SS18L1: variants seen among roughly 807,000 people sequenced by gnomAD.
SS18L1 encodes calcium-responsive transactivator.
SS18L1 carries 32 observed loss-of-function variants against 70.3 expected under a neutral mutation model. That is an observed-to-expected ratio of 0.46 (90% CI 0.34 to 0.61). The LOEUF (loss-of-function observed/expected upper bound fraction) is 0.61, where lower values mean the gene tolerates loss of function less well. Ranked by LOEUF, SS18L1 falls within the 20% of genes least tolerant of loss-of-function variation. The pLI is 0.01. For synonymous variants in SS18L1, 237 were observed against 229.7 expected (o/e 1.03, Z -0.29); for missense variants, 430 against 542.1 (o/e 0.79, Z 2.05).
At chr20:62,164,468 G>A (rs2057391656) in intron 7 of SS18L1, among the ~76,000 whole-genome samples, 1 of 152,232 alleles carries the variant, frequency 6.6e-6, no homozygotes, top group Admixed American at 6.5e-5. Flanking sequence ...GAGAGAAGCT[G>A]TGGCACACAC....
intron 8 of SS18L1, among the ~76,000 whole-genome samples, chr20:62,169,881 T>C (rs1038057515): frequency 1.3e-5 from 2 of 152,110 alleles, no homozygotes; most frequent in Non-Finnish European, 2.9e-5. Context: ...CGAGCGCGGC[T>C]GGCGTGTCGT....
intron 7 of SS18L1, 68 bp from the exon 8 acceptor site, chr20:62,165,354 A>G (rs1763989831): frequency 9.5e-6 from 14 of 1,472,242 alleles, no homozygotes; most frequent in Admixed American, 1.9e-5. Context: ...CCTGGGTCTC[A>G]GTTGCCTCCT....
Position 62,165,428 on chromosome 20 carries a change from G to A in SS18L1, c.830G>A (p.Gly277Asp). The A allele has an allele frequency of 1.2e-6, 2 of 1,612,024 alleles. No homozygotes were observed. Among genetic ancestry groups the A allele is most frequent in the Non-Finnish European group, 8.5e-7 (1 of 1,179,514 alleles). The part of the protein sequence containing the change: ...MGQQYYPDGH[G>D]DYAYQQSSYT... ...CCGTCTCCGTTTCGCACAGGCCATG[G>A]CGATTACGCCTACCAGCAGTCATCC... Residue 277 changes from glycine to aspartate, a missense_variant, in exon 8 of 11, where the codon GGC (glycine) becomes GAC (aspartate). Gly to Asp is a moderately conservative substitution (Grantham distance 94). Transcript: ENST00000331758.
At position 62,158,542 on chromosome 20, in the gene SS18L1, C is replaced by T. The variant is rs1568745473; in HGVS notation, c.70-130C>T. On this transcript the variant is annotated intron_variant, in intron 1 of 10. Coordinates refer to ENST00000331758, the MANE Select transcript of SS18L1 (RefSeq NM_198935.3). The surrounding 1 kb of genome is among the most constrained non-coding windows in gnomAD (Gnocchi z 4.5). ...CAGATATCCCCAAATCTGGAAAAAT[C>T]TGAAATCTGACACGTTTCACGTAAG... The T allele has an allele frequency of 1.4e-6, 2 of 1,426,086 alleles. No individual in the cohort carries two copies. The highest frequency in any genetic ancestry group is 1.3e-5 in the South Asian group (1 of 75,322). The allele number at this position is 1,426,086 out of a possible 1,614,324, so 88.3% of individuals were successfully genotyped here.
Position 62,175,307 on chromosome 20 carries a change from G to A in SS18L1, c.1164+663G>A. On this transcript the variant is annotated intron_variant, in intron 10 of 10. Coordinates refer to ENST00000331758, the MANE Select transcript of SS18L1 (RefSeq NM_198935.3). ...GAGGCCGGTGTGGCGGGAGGTGACA[G>A]GGACAGGTGGGCGTAGGGGCCTCCA... 2 of 985,434 alleles carry A rather than the reference G, an allele frequency of 2.0e-6. 1 individual carries two copies. 61.0% of individuals were successfully genotyped at this position (985,434 alleles called of 1,614,324 possible).
At chr20:62,144,087 G>T (rs915122586) in intron 1 of SS18L1, among the ~76,000 whole-genome samples, 198 bp downstream of exon 1, 1 of 149,838 alleles carries the variant, frequency 6.7e-6, no homozygotes, top group Non-Finnish European at 1.5e-5. Context: ...CCGTGTGGGG[G>T]GCGGTCCCCG....
chr20:62,154,709 G>T (rs909727419), intron 1 of SS18L1, among the ~76,000 whole-genome samples: 3 of 152,142 alleles, frequency 2.0e-5, no homozygotes, highest in African/African-American at 4.8e-5. Flanking sequence ...ATCTTTCTTT[G>T]TCCCTGGTCT....
intron 10 of SS18L1, among the ~76,000 whole-genome samples, chr20:62,177,102 G>A (rs575133199): frequency 1.3e-5 from 2 of 152,184 alleles, no homozygotes; most frequent in South Asian, 2.1e-4. Context: ...AACTGTCTCC[G>A]TTTGAGAACC....
In SS18L1 at chr20:62,167,052, T is replaced by G. The variant is rs1201837204; in HGVS notation, c.916+1538T>G. On this transcript the variant is annotated intron_variant, in intron 8 of 10. Transcript: ENST00000331758. ...CTCAGGAGTTTGTTTGTTTTTTTTT[T>G]TTTTTTTTTTTGAGACGGAGTCTCA... Among the ~76,000 whole-genome samples the G allele has an allele frequency of 3.3e-4, 44 of 135,256 alleles. 2 individuals are homozygous for G. Among genetic ancestry groups the G allele is most frequent in the Admixed American group, 7.1e-4 (10 of 14,114 alleles). 88.7% of individuals were successfully genotyped at this position (135,256 alleles called of 152,430 possible). A position where few individuals can be genotyped will look rare whatever the true frequency, so the allele number is the denominator to read the frequency against.
chr20:62,146,327 G>A (rs2057025225), intron 1 of SS18L1, among the ~76,000 whole-genome samples: 1 of 152,266 alleles, frequency 6.6e-6, no homozygotes, highest in African/African-American at 2.4e-5. Context: ...TCTGAGCACA[G>A]TTAGTGCTGA....
chr20:62,152,938 A>C (rs1471419991), intron 1 of SS18L1, among the ~76,000 whole-genome samples: 1 of 152,220 alleles, frequency 6.6e-6, no homozygotes, highest in East Asian at 1.9e-4. Flanking sequence ...GCGCGTGCAC[A>C]TCAGGAGTCA....
intron 8 of SS18L1, among the ~76,000 whole-genome samples, chr20:62,167,973 G>C (rs1160555732): frequency 6.9e-6 from 1 of 145,168 alleles, no homozygotes; most frequent in African/African-American, 2.7e-5. Context: ...GCACCACCAG[G>C]CCTGGCTTTT....
At chr20:62,157,752 ATCGTGCCGT>A (rs764779849) in intron 1 of SS18L1, among the ~76,000 whole-genome samples, 2 of 152,184 alleles carry the variant, frequency 1.3e-5, no homozygotes, top group Non-Finnish European at 2.9e-5. Flanking sequence ...CTGTGGGCCT[ATCGTGCCGT>A]TCTCCTGCAT....
chr20:62,165,535 C>T, intron 8 of SS18L1, 21 bp downstream of exon 8: 2 of 1,283,214 alleles, frequency 1.6e-6, no homozygotes, highest in Non-Finnish European at 2.1e-6. Context: ...CGGCTGCGTG[C>T]TGGGCTCGAG....
chr20:62,162,605 CTTATTTA>C (rs2057349637), intron 4 of SS18L1, 140 bp from the exon 5 acceptor site: 2 of 833,200 alleles, frequency 2.4e-6, no homozygotes, highest in South Asian at 3.8e-5. Flanking sequence ...CTCCCGGCCA[CTTATTTA>C]TTAGTCACTT....
At chr20:62,165,389 T>G in intron 7 of SS18L1, 33 bp from the exon 8 acceptor site, 1 of 1,593,522 alleles carries the variant, frequency 6.3e-7, no homozygotes, top group Non-Finnish European at 8.5e-7. Context: ...GTGCACAGCC[T>G]CCGCTGACTG....
At chr20:62,176,435 C>T (rs2145790780) in intron 10 of SS18L1, among the ~76,000 whole-genome samples, 1 of 152,258 alleles carries the variant, frequency 6.6e-6, no homozygotes, top group South Asian at 2.1e-4. Context: ...ATCCCTTGAG[C>T]CCAGGAGGTC....
chr20:62,168,651 T>G (rs1184397064), intron 8 of SS18L1, among the ~76,000 whole-genome samples: 1 of 151,960 alleles, frequency 6.6e-6, no homozygotes, highest in Non-Finnish European at 1.5e-5. Flanking sequence ...AGACCCCCTC[T>G]CTACTAAAAA....
intron 4 of SS18L1, 75 bp from the exon 5 acceptor site, chr20:62,162,677 T>C (rs754440776): frequency 1.6e-4 from 231 of 1,474,866 alleles, no homozygotes; most frequent in Non-Finnish European, 1.9e-4. Context: ...TGAAGGGAAA[T>C]TGGGGTGTCT....
Sources: gnomAD v4.1 joint callset for allele counts (sites outside exome capture counted in the v4.1 genomes callset) on GRCh38, gnomAD v4.1.1 for gene constraint, Gnocchi (gnomAD v3.1) non-coding constraint, MANE v1.5 for transcripts, NCBI Gene and HGNC (gene_info 2026-07-23, HGNC 2026-07-21) for gene names.